The following HMGB4 variants were observed in gnomAD, a reference collection of about 807,000 sequenced individuals.
HMGB4 encodes the protein high mobility group box 4, also known as high mobility group protein B4.
For missense variants in HMGB4, 217 were observed against 220.4 expected (o/e 0.98, Z 0.10); for synonymous variants, 82 against 84.9 (o/e 0.97, Z 0.19).
chr1:33,864,724 G>A lies in HMGB4; in HGVS notation c.533G>A (p.Cys178Tyr), dbSNP rs1179018816. The A allele has an allele frequency of 2.5e-6, 4 of 1,612,042 alleles. No individual in the cohort carries two copies. Among genetic ancestry groups the A allele is most frequent in the Non-Finnish European group, 3.4e-6 (4 of 1,179,332 alleles). ...KKYRMSARNR[C>Y]RGKRVRQS Reference sequence around the variant, plus strand: ...TACCGAATGTCAGCTAGAAACCGGTGCAGAGGGAAAAGAGTCAGGCAGAGC... The same window carrying A: ...TACCGAATGTCAGCTAGAAACCGGTACAGAGGGAAAAGAGTCAGGCAGAGC... The change falls in exon 1 of 1, where the codon TGC (cysteine) becomes TAC (tyrosine). Residue 178 changes from cysteine (C) to tyrosine (Y), a missense_variant. Transcript: ENST00000681531.
chr1:33,863,981 T>C, upstream of HMGB4: 1 of 551,966 alleles, frequency 1.8e-6, no homozygotes, highest in South Asian at 2.4e-5. Flanking sequence ...AGGTGTTGGC[T>C]GGGATTGGCT....
At chr1:33,862,347 GT>G (rs1433991887), upstream of HMGB4, 1 of 88,960 alleles carries the variant, frequency 1.1e-5, no homozygotes, top group African/African-American at 1.4e-4. Flanking sequence ...GCTACTCTGT[GT>G]GTGTGTGTGT....
At chr1:33,861,869 G>A (rs942450794), upstream of HMGB4, among the ~76,000 whole-genome samples, 2 of 152,210 alleles carry the variant, frequency 1.3e-5, no homozygotes, top group Non-Finnish European at 2.9e-5. Flanking sequence ...CAGGGACACA[G>A]AACCAGCTCC....
At chr1:33,864,033 A>G (rs1032300048), upstream of HMGB4, 3 of 661,006 alleles carry the variant, frequency 4.5e-6, no homozygotes, top group Non-Finnish European at 7.7e-6. Flanking sequence ...CTGACTCAAC[A>G]ATGCCATCAG....
At chr1:33,862,452 T>G (rs1008140387), upstream of HMGB4, 1 of 150,462 alleles carries the variant, frequency 6.6e-6, no homozygotes, top group African/African-American at 2.4e-5. Context: ...TTCTTCCTCA[T>G]GTCCCATCTT....
upstream of HMGB4, chr1:33,863,461 C>T (rs569589066): frequency 6.6e-6 from 1 of 152,290 alleles, no homozygotes; most frequent in South Asian, 2.1e-4. Flanking sequence ...GGTTCTCCCC[C>T]CTCTTTCGCC....
At position 33,864,672 on chromosome 1, in the gene HMGB4, C is replaced by T. The variant is rs192690973; in HGVS notation, c.481C>T (p.Arg161Cys). 411 of 1,613,764 alleles carry T rather than the reference C, an allele frequency of 2.5e-4. 1 individual carries two copies. Among genetic ancestry groups the T allele is most frequent in the Non-Finnish European group, 9.0e-5 (106 of 1,179,968 alleles). ...AKYFEELELY[R>C]KQCNARKKYR... ...GTACTTCGAGGAACTTGAACTCTACCGTAAACAATGTAATGCCAGGAAGAA... is the reference window on the plus strand; with the variant it reads ...GTACTTCGAGGAACTTGAACTCTACTGTAAACAATGTAATGCCAGGAAGAA... The change falls in exon 1 of 1, where the codon CGT becomes TGT. Residue 161 changes from arginine to cysteine, a missense_variant. Physicochemically the swap from Arg to Cys is radical, Grantham distance 180. Transcript: ENST00000681531.
rs150719354 is a variant in HMGB4 at position 33,864,738 on chromosome 1, G to A, written c.547G>A (p.Val183Ile). The A allele has an allele frequency of 1.2e-6, 2 of 1,609,624 alleles. No individual in the cohort carries two copies. The highest frequency in any genetic ancestry group is 1.7e-6 in the Non-Finnish European group (2 of 1,178,234). Reference protein sequence around the residue: ...SARNRCRGKRVRQS With the variant: ...SARNRCRGKRIRQS ...TAGAAACCGGTGCAGAGGGAAAAGA[G>A]TCAGGCAGAGCTGATGGATCCAGTT... Residue 183 changes from valine to isoleucine, a missense_variant, in exon 1 of 1, where the codon GTC becomes ATC. Val to Ile is a conservative substitution (Grantham distance 29). Transcript: ENST00000681531.
upstream of HMGB4, chr1:33,861,138 A>G (rs867449976): frequency 6.6e-6 from 1 of 152,242 alleles, no homozygotes; most frequent in Non-Finnish European, 1.5e-5. Flanking sequence ...CATATTAAGC[A>G]TTATATAAAT....
At chr1:33,862,720 G>T (rs560126088), upstream of HMGB4, 206 of 152,352 alleles carry the variant, frequency 1.4e-3, 1 homozygote, top group African/African-American at 4.7e-3. Flanking sequence ...GGGCTTCCCT[G>T]GCCAGTCCAG....
At chr1:33,863,691 C>G (rs1477696785), upstream of HMGB4, 1 of 156,628 alleles carries the variant, frequency 6.4e-6, no homozygotes, top group Non-Finnish European at 1.4e-5. Context: ...ATCCACCTCC[C>G]CATGTTCATT....
chr1:33,864,124 T>C lies in HMGB4; in HGVS notation c.-68T>C. On this transcript the variant is annotated 5_prime_UTR_variant, in exon 1 of 1. Coordinates refer to ENST00000681531, the MANE Select transcript of HMGB4 (RefSeq NM_001379301.1). The stretch of plus-strand genomic sequence containing the variant: ...AGTACAGCACTTTCTAGATTGCTCC[T>C]GGAGTGTGGGAACAACAGTCTCTCC... 6.9e-7 allele frequency: 1 copy of C among 1,449,052 alleles called. No homozygotes were observed. The highest frequency in any genetic ancestry group is 2.5e-4 in the Middle Eastern group (1 of 4,034). 89.8% of individuals were successfully genotyped at this position (1,449,052 alleles called of 1,614,324 possible). A position where few individuals can be genotyped will look rare whatever the true frequency, so the allele number is the denominator to read the frequency against.
chr1:33,863,703 T>C (rs975157448), upstream of HMGB4: 1 of 157,504 alleles, frequency 6.3e-6, no homozygotes, highest in Non-Finnish European at 1.4e-5. Context: ...ATGTTCATTA[T>C]GCTCAGCCTG....
chr1:33,864,571 CAG>C lies in HMGB4; in HGVS notation c.381_382del (p.Gly128GlufsTer15), dbSNP rs756886955. 1.5e-5 allele frequency: 25 copies of C among 1,613,936 alleles called. No individual in the cohort carries two copies. Among genetic ancestry groups the C allele is most frequent in the Non-Finnish European group, 2.0e-5 (24 of 1,180,028 alleles). ...TCGGTGGTGCAGGTGGCCAAGGCCA[CAG>C]GGAAGATGTGGTCAACAGCGACAGA... On this transcript the variant is annotated frameshift_variant, in exon 1 of 1. Transcript: ENST00000681531. LOFTEE classifies it low-confidence loss of function (END_TRUNC).
rs763205265 is a variant in HMGB4, at chr1:33,864,600, C to G, written c.409C>G (p.Leu137Val). The G allele has an allele frequency of 4.3e-6, 7 of 1,613,922 alleles. No homozygotes were observed. Among genetic ancestry groups the G allele is most frequent in the Non-Finnish European group, 5.9e-6 (7 of 1,180,024 alleles). ...TGKMWSTATD[L>V]EKHPYEQRVA... Reference sequence around the variant, plus strand: ...GAAGATGTGGTCAACAGCGACAGACCTGGAGAAGCACCCTTATGAGCAAAG... The same window carrying G: ...GAAGATGTGGTCAACAGCGACAGACGTGGAGAAGCACCCTTATGAGCAAAG... The change falls in exon 1 of 1, where the codon CTG becomes GTG. Residue 137 changes from leucine (L) to valine (V), a missense_variant. By Grantham distance (32) the Leu-to-Val change is conservative. Coordinates refer to ENST00000681531, the MANE Select transcript of HMGB4 (RefSeq NM_001379301.1).
At chr1:33,863,896 C>A (rs1213535841), upstream of HMGB4, 2 of 313,948 alleles carry the variant, frequency 6.4e-6, no homozygotes, top group Non-Finnish European at 1.2e-5. Context: ...ATGAATGAAC[C>A]ATCATCTTTC....
chr1:33,861,401 G>A (rs1364113167), upstream of HMGB4: 1 of 152,172 alleles, frequency 6.6e-6, no homozygotes, highest in Non-Finnish European at 1.5e-5. Flanking sequence ...CAGAAACCCT[G>A]TGGTTCACCA....
At chr1:33,862,340 A>ACC (rs1639581038), upstream of HMGB4, 4 of 57,938 alleles carry the variant, frequency 6.9e-5, no homozygotes, top group Admixed American at 8.1e-4. Flanking sequence ...CAGATAAGCT[A>ACC]CTCTGTGTGT....
Position 33,864,552 on chromosome 1 carries a change from G to A in HMGB4, c.361G>A (p.Val121Met), listed in dbSNP as rs753176831. Residue 121 changes from valine (V) to methionine (M), a missense_variant, in exon 1 of 1, where the codon GTG becomes ATG. By Grantham distance (21) the Val-to-Met change is conservative (BLOSUM62 1). Coordinates refer to ENST00000681531, the MANE Select transcript of HMGB4 (RefSeq NM_001379301.1). ...GAGGGAGAACCCGAACTGGTCGGTG[G>A]TGCAGGTGGCCAAGGCCACAGGGAA... ...LKRENPNWSV[V>M]QVAKATGKMW... 7 of 1,613,956 alleles carry A rather than the reference G, an allele frequency of 4.3e-6. No individual in the cohort carries two copies. Among genetic ancestry groups the A allele is most frequent in the South Asian group, 1.1e-5 (1 of 91,078 alleles).
Sources: allele counts gnomAD v4.1 joint callset (sites outside exome capture counted in the v4.1 genomes callset), GRCh38; gene constraint gnomAD v4.1.1; transcripts MANE v1.5; gene names NCBI Gene and HGNC (gene_info 2026-07-23, HGNC 2026-07-21).